Variants in NTRK3 observed in about 807,000 individuals in gnomAD.
NTRK3 encodes the protein NT-3 growth factor receptor.
In NTRK3, 24 loss-of-function variants were observed where a neutral mutation model predicts 91.7. The observed-to-expected ratio is 0.26, with a 90% CI of 0.19 to 0.37. The LOEUF is 0.37. NTRK3 is among the 10% of genes least tolerant of loss of function. NTRK3 has a pLI of 1.00. For missense variants in NTRK3, 880 were observed against 1,068.9 expected (o/e 0.82, Z 2.46); for synonymous variants, 483 against 404.0 (o/e 1.20, Z -2.34).
At chr15:88,002,227 C>T (rs1162417981) in intron 14 of NTRK3, among the ~76,000 whole-genome samples, 18 of 97,744 alleles carry the variant, frequency 1.8e-4, no homozygotes, top group African/African-American at 6.4e-4. Flanking sequence ...TGGACTATTT[C>T]GAGTTTTCTC....
In NTRK3 at chr15:88,093,921, C is replaced by T. The variant is rs187762884; in HGVS notation, c.1396+32350G>A. ...GTCTCAACAGCACGAGGTGGTATTG[C>T]CTTCCCCAATCCTATGGGAAACTGA... is the stretch of plus-strand genomic sequence containing the variant. On this transcript the variant is annotated intron_variant, in intron 13 of 18. Transcript: ENST00000394480. 5.0e-3 allele frequency among the ~76,000 whole-genome samples: 756 copies of T among 152,258 alleles called. 5 individuals are homozygous for T. Among genetic ancestry groups the T allele is most frequent in the Non-Finnish European group, 6.2e-3 (420 of 68,028 alleles).
At chr15:88,239,267 G>A (rs2052090499) in intron 3 of NTRK3, among the ~76,000 whole-genome samples, 1 of 152,158 alleles carries the variant, frequency 6.6e-6, no homozygotes, top group Non-Finnish European at 1.5e-5. Context: ...TTTGAGGAAT[G>A]AACAGCAGAT....
At chr15:88,216,701 G>A (rs137954692) in intron 3 of NTRK3, among the ~76,000 whole-genome samples, 24 of 152,314 alleles carry the variant, frequency 1.6e-4, no homozygotes, top group Non-Finnish European at 2.8e-4. Flanking sequence ...TGGTGATGGT[G>A]ACTGCCTGGG....
At chr15:87,940,287 T>A (rs1345897858) in intron 15 of NTRK3, among the ~76,000 whole-genome samples, 1 of 152,146 alleles carries the variant, frequency 6.6e-6, no homozygotes, top group African/African-American at 2.4e-5. Flanking sequence ...AGACAGCACG[T>A]CCTGTAAAGC....
intron 13 of NTRK3, among the ~76,000 whole-genome samples, chr15:88,058,550 T>C (rs1031642830): frequency 4.6e-5 from 7 of 152,142 alleles, no homozygotes. Context: ...TGGCATTTTT[T>C]AACTTCTTTT....
chr15:88,205,754 C>T (rs1269298999), intron 3 of NTRK3: 2 of 152,208 alleles, frequency 1.3e-5, no homozygotes, highest in African/African-American at 4.8e-5. Context: ...CAAGAGAAGG[C>T]TCCTAAGGAC....
chr15:88,207,534 C>T lies in NTRK3; in HGVS notation c.249-23235G>A, dbSNP rs2048894897. On this transcript the variant is annotated intron_variant, in intron 3 of 18. Coordinates refer to ENST00000394480, the Ensembl canonical transcript of NTRK3. ...TATGTGCTATCACTGTGGCCTCATCCAGTCACAGAGACTCAGGTGGCAAAG... is the reference window on the plus strand; with the variant it reads ...TATGTGCTATCACTGTGGCCTCATCTAGTCACAGAGACTCAGGTGGCAAAG... Among the ~76,000 whole-genome samples the T allele has an allele frequency of 2.0e-5, 3 of 152,226 alleles. No individual in the cohort carries two copies. The South Asian group carries it at 6.2e-4, about 32-fold the overall frequency.
chr15:87,891,120 TAG>T (rs10588936), intron 17 of NTRK3, among the ~76,000 whole-genome samples: 20 of 152,150 alleles, frequency 1.3e-4, no homozygotes, highest in African/African-American at 4.6e-4. Flanking sequence ...TACAGTATAT[TAG>T]AGAGAGTTTC....
intron 17 of NTRK3, among the ~76,000 whole-genome samples, chr15:87,886,519 T>C (rs2065543360): frequency 6.6e-6 from 1 of 150,620 alleles, no homozygotes; most frequent in African/African-American, 2.5e-5. Flanking sequence ...TGTAGTATTC[T>C]TATTCATGTA....
chr15:88,059,733 C>G (rs1427941568), intron 13 of NTRK3, among the ~76,000 whole-genome samples: 1 of 152,086 alleles, frequency 6.6e-6, no homozygotes, highest in Non-Finnish European at 1.5e-5. Context: ...TTGTGACCCC[C>G]CCTAAAATTT....
chr15:88,108,664 G>C (rs556785137), intron 13 of NTRK3, among the ~76,000 whole-genome samples: 1 of 152,206 alleles, frequency 6.6e-6, no homozygotes, highest in Non-Finnish European at 1.5e-5. Context: ...CTAGAATCCA[G>C]ATTTCTATAA....
At chr15:88,191,755 A>G (rs1039461537) in intron 3 of NTRK3, among the ~76,000 whole-genome samples, 4 of 152,264 alleles carry the variant, frequency 2.6e-5, no homozygotes, top group Non-Finnish European at 5.9e-5. Flanking sequence ...TGATATGTTT[A>G]GCATCATAAA....
chr15:88,137,635 C>CA, intron 6 of NTRK3, 74 bp from the exon 7 acceptor site: 1 of 1,505,248 alleles, frequency 6.6e-7, no homozygotes, highest in South Asian at 1.2e-5. Flanking sequence ...GCTATGAGGA[C>CA]AAGGGGGACC....
chr15:88,013,501 T>C (rs751229153), intron 14 of NTRK3, among the ~76,000 whole-genome samples: 2 of 152,214 alleles, frequency 1.3e-5, no homozygotes, highest in South Asian at 4.1e-4. Flanking sequence ...CTGTAAATCG[T>C]GTGAAGTTAT....
intron 13 of NTRK3, among the ~76,000 whole-genome samples, chr15:88,105,338 C>T (rs556239701): frequency 1.3e-5 from 2 of 152,264 alleles, no homozygotes; most frequent in South Asian, 4.2e-4. Context: ...TCAAGGAAGG[C>T]CCAAGGACCT....
intron 3 of NTRK3, among the ~76,000 whole-genome samples, chr15:88,188,457 G>A (rs2047125671): frequency 6.6e-6 from 1 of 152,150 alleles, no homozygotes; most frequent in Admixed American, 6.5e-5. Flanking sequence ...GCAATGCACA[G>A]GACAGCCCCC....
chr15:88,222,145 G>A (rs537703410), intron 3 of NTRK3, among the ~76,000 whole-genome samples: 56 of 152,216 alleles, frequency 3.7e-4, no homozygotes, highest in Non-Finnish European at 6.3e-4. Context: ...TGGAATGCAC[G>A]TGGGTCAGAA....
intron 3 of NTRK3, among the ~76,000 whole-genome samples, chr15:88,247,437 C>T (rs980975244): frequency 1.1e-4 from 17 of 152,208 alleles, no homozygotes; most frequent in African/African-American, 4.1e-4. Flanking sequence ...TTGGCCCCAA[C>T]ATTTTCTGAG....
chr15:87,874,080 G>C, exon 19 of NTRK3: 2 of 229,548 alleles, frequency 8.7e-6, no homozygotes. Context: ...AGTGTACTAA[G>C]CCTTATCAGT....
Sources: allele counts gnomAD v4.1 joint callset (sites outside exome capture counted in the v4.1 genomes callset), GRCh38; gene constraint gnomAD v4.1.1; transcripts MANE v1.5; gene names NCBI Gene and HGNC (gene_info 2026-07-23, HGNC 2026-07-21).